UBE2D3: variants seen among roughly 807,000 people sequenced by gnomAD.
UBE2D3 encodes the protein ubiquitin conjugating enzyme E2 D3.
In UBE2D3, 2 loss-of-function variants were observed where a neutral mutation model predicts 22.8. The observed-to-expected ratio is 0.09, with a 90% CI of 0.04 to 0.28. UBE2D3 has a LOEUF of 0.28. Ranked by LOEUF, UBE2D3 falls within the 10% of genes least tolerant of loss-of-function variation. UBE2D3 has a pLI of 1.00. For missense variants in UBE2D3, 27 were observed against 182.5 expected, an observed-to-expected ratio of 0.15 and a Z score of 4.91; for synonymous variants, 56 against 60.4, an observed-to-expected ratio of 0.93 and a Z score of 0.34.
intron 1 of UBE2D3, among the ~76,000 whole-genome samples, chr4:102,838,529 T>C (rs919263784): frequency 6.6e-6 from 1 of 152,194 alleles, no homozygotes; most frequent in African/African-American, 2.4e-5. Context: ...CTGTCAGTAA[T>C]GAATAATCGA....
chr4:102,853,922 G>A (rs529939825), intron 1 of UBE2D3, among the ~76,000 whole-genome samples: 1 of 152,194 alleles, frequency 6.6e-6, no homozygotes, highest in East Asian at 1.9e-4. Context: ...CTAAATTAGA[G>A]GTGTGCTTAG....
At chr4:102,844,735 A>G (rs563803487) in intron 1 of UBE2D3, among the ~76,000 whole-genome samples, 254 of 152,220 alleles carry the variant, frequency 1.7e-3, no homozygotes, top group Non-Finnish European at 2.6e-3. Context: ...AATTCTAGCC[A>G]GCCTGGGCCG....
At chr4:102,813,272 G>C (rs1002967011) in intron 2 of UBE2D3, among the ~76,000 whole-genome samples, 3 of 152,200 alleles carry the variant, frequency 2.0e-5, no homozygotes, top group African/African-American at 4.8e-5. Context: ...CTATAGCCCA[G>C]AACTCCTGGG....
intron 2 of UBE2D3, among the ~76,000 whole-genome samples, chr4:102,819,973 T>C (rs1729342412): frequency 6.6e-6 from 1 of 152,272 alleles, no homozygotes; most frequent in South Asian, 2.1e-4. Flanking sequence ...AAACAGCCCT[T>C]GCCTCAAAAA....
At chr4:102,860,404 G>GGTGTGTGT (rs540255423) in intron 1 of UBE2D3, among the ~76,000 whole-genome samples, 11 of 122,842 alleles carry the variant, frequency 9.0e-5, no homozygotes, top group Admixed American at 4.8e-4. Context: ...ATGTTTTCCT[G>GGTGTGTGT]GTGTGTGTGT....
At chr4:102,858,047 CTT>C (rs1473907566) in intron 1 of UBE2D3, among the ~76,000 whole-genome samples, 1 of 151,970 alleles carries the variant, frequency 6.6e-6, no homozygotes, top group Non-Finnish European at 1.5e-5. Context: ...CCTTTAATCT[CTT>C]TTGTTAGTGT....
intron 1 of UBE2D3, among the ~76,000 whole-genome samples, chr4:102,860,389 T>C (rs75072098): frequency 0.014 from 2,018 of 148,346 alleles, 48 homozygotes; most frequent in African/African-American, 0.048. Flanking sequence ...ATTCCTTTGG[T>C]TGTCATGTTT....
intron 2 of UBE2D3, among the ~76,000 whole-genome samples, chr4:102,822,113 A>C (rs759105214): frequency 6.6e-6 from 1 of 152,260 alleles, no homozygotes; most frequent in Non-Finnish European, 1.5e-5. Context: ...CTAGTGACAC[A>C]GTAGTTCATC....
intron 1 of UBE2D3, among the ~76,000 whole-genome samples, chr4:102,849,835 C>T (rs547803382): frequency 6.6e-6 from 1 of 152,262 alleles, no homozygotes; most frequent in African/African-American, 2.4e-5. Flanking sequence ...GGAGCAGTGA[C>T]AGGGGACGGG....
intron 5 of UBE2D3, chr4:102,802,253 C>T (rs915740628): frequency 3.2e-5 from 7 of 221,438 alleles, no homozygotes; most frequent in African/African-American, 1.6e-4. Flanking sequence ...TGAAGTTGGA[C>T]ATTTGATGCT....
At position 102,807,879 on chromosome 4, in the gene UBE2D3, G is replaced by A. The variant is rs1578233220; in HGVS notation, c.120+1793C>T. On this transcript the variant is annotated intron_variant, in intron 4 of 7. Transcript: ENST00000453744. Reference sequence around the variant, plus strand: ...CTAGTGTGTTGTTCAAAATAACAAAGTCTAAACTGTCAAGCAGAAAAACCA... The same window carrying A: ...CTAGTGTGTTGTTCAAAATAACAAAATCTAAACTGTCAAGCAGAAAAACCA... 2.6e-5 allele frequency among the ~76,000 whole-genome samples: 4 copies of A among 152,174 alleles called. No homozygotes were observed. The East Asian group carries it at 7.7e-4, about 29-fold the overall frequency.
Position 102,848,505 on chromosome 4 carries a change from C to T in UBE2D3, c.-129+20210G>A, listed in dbSNP as rs201167802. ...ACTAAAAATACAAAAATTAGCTGGG[C>T]GTGGTGGTGGGTGCCTGTTATCCCA... On this transcript the variant is annotated intron_variant, in intron 1 of 7. Coordinates refer to the UBE2D3 transcript ENST00000338145. 5.3e-5 allele frequency among the ~76,000 whole-genome samples: 8 copies of T among 152,060 alleles called. No homozygotes were observed. In the East Asian group the frequency reaches 5.8e-4, roughly 11 times the overall value.
At position 102,819,966 on chromosome 4, in the gene UBE2D3, C is replaced by G. The variant is rs549832899; in HGVS notation, c.24+6519G>C. ...TGACTGTGAATCAGCATTATAAAAA[C>G]AGCCCTTGCCTCAAAAACCTATACT... On this transcript the variant is annotated intron_variant, in intron 2 of 7. Transcript: ENST00000453744. Among the ~76,000 whole-genome samples, 8 of 152,266 alleles carry G rather than the reference C, an allele frequency of 5.3e-5. No individual in the cohort carries two copies. In the South Asian group the frequency reaches 1.7e-3, roughly 32 times the overall value.
At chr4:102,834,224 C>G (rs1485014343) in intron 1 of UBE2D3, among the ~76,000 whole-genome samples, 1 of 152,158 alleles carries the variant, frequency 6.6e-6, no homozygotes, top group Admixed American at 6.5e-5. Context: ...TCACAAGATT[C>G]AACTTTTCTT....
chr4:102,826,219 G>A (rs1304529119), intron 2 of UBE2D3, among the ~76,000 whole-genome samples: 1 of 152,012 alleles, frequency 6.6e-6, no homozygotes, highest in Non-Finnish European at 1.5e-5. Flanking sequence ...TAATAAAGGC[G>A]CCTTAAGTCA....
intron 2 of UBE2D3, among the ~76,000 whole-genome samples, chr4:102,815,892 C>T (rs139048472): frequency 7.2e-5 from 11 of 152,262 alleles, no homozygotes; most frequent in African/African-American, 2.4e-4. Flanking sequence ...CTTATTTCAC[C>T]ACTTTCTTTC....
upstream of UBE2D3, chr4:102,827,580 CCCT>C (rs1206182375): frequency 1.0e-6 from 1 of 987,054 alleles, no homozygotes; most frequent in African/African-American, 1.7e-5. Context: ...CCGCCCCTCC[CCCT>C]CCTCCTGCCT....
intron 2 of UBE2D3, among the ~76,000 whole-genome samples, chr4:102,815,812 A>C (rs1266088538): frequency 2.0e-5 from 3 of 152,220 alleles, no homozygotes; most frequent in African/African-American, 7.2e-5. Context: ...CTTTAAATTC[A>C]ATATAGAAAA....
chr4:102,827,801 G>A, upstream of UBE2D3: 1 of 986,498 alleles, frequency 1.0e-6, no homozygotes, highest in South Asian at 4.7e-5. Context: ...ATGAGCTGGG[G>A]GGAGGGTGAA....
Sources: gnomAD v4.1 joint callset for allele counts (sites outside exome capture counted in the v4.1 genomes callset) on GRCh38, gnomAD v4.1.1 for gene constraint, MANE v1.5 for transcripts, NCBI Gene and HGNC (gene_info 2026-07-23, HGNC 2026-07-21) for gene names.